SND1: variants seen among roughly 807,000 people sequenced by gnomAD.
SND1 encodes the protein staphylococcal nuclease domain-containing protein 1.
Under a neutral mutation model 121.7 loss-of-function variants are expected in SND1, and 38 were observed. The observed-to-expected ratio is 0.31, with a 90% CI of 0.24 to 0.41. SND1 has a LOEUF of 0.41. Among genes scored for constraint, SND1 ranks in the 10% least tolerant of loss-of-function variants. The pLI, the probability that SND1 is intolerant of heterozygous loss-of-function variation, is 1.00. For missense variants in SND1, 868 were observed against 1,184.6 expected (o/e 0.73, Z 3.92); for synonymous variants, 401 against 447.4 (o/e 0.90, Z 1.31).
At chr7:127,858,871 T>C (rs931827163) in intron 12 of SND1, among the ~76,000 whole-genome samples, 1 of 152,232 alleles carries the variant, frequency 6.6e-6, no homozygotes, top group African/African-American at 2.4e-5. Flanking sequence ...TGGCGTGGTA[T>C]TTCTCTGAGT....
intron 10 of SND1, among the ~76,000 whole-genome samples, chr7:127,729,120 G>C (rs1258615525): frequency 6.6e-6 from 1 of 151,898 alleles, no homozygotes; most frequent in Non-Finnish European, 1.5e-5. Context: ...CCACCAGAGG[G>C]GTTAATTTCA....
At position 128,030,051 on chromosome 7, in the gene SND1, T is replaced by C. The variant is rs1279042073; in HGVS notation, c.1779+38995T>C. ...CATGCCCAAGTTCAGATACTTGAGG[T>C]TGAACAGCCCCTCAAAAGCTCCCTC... On this transcript the variant is annotated intron_variant, in intron 16 of 23. Transcript: ENST00000354725. 2 of 1,613,194 alleles carry C rather than the reference T, an allele frequency of 1.2e-6. No individual in the cohort carries two copies. The highest frequency in any genetic ancestry group is 2.7e-5 in the African/African-American group (2 of 74,912).
intron 11 of SND1, among the ~76,000 whole-genome samples, chr7:127,815,845 G>T (rs887769767): frequency 6.6e-6 from 1 of 152,136 alleles, no homozygotes; most frequent in Non-Finnish European, 1.5e-5. Flanking sequence ...CTTGTTTCTG[G>T]GTTTCTACTT....
intron 10 of SND1, among the ~76,000 whole-genome samples, chr7:127,805,193 C>G (rs925470653): frequency 2.8e-4 from 43 of 152,170 alleles, no homozygotes; most frequent in African/African-American, 1.0e-3. Context: ...CAGGCAATTT[C>G]TATGCATCCC....
intron 14 of SND1, among the ~76,000 whole-genome samples, chr7:127,911,939 G>T (rs575616313): frequency 3.3e-5 from 5 of 152,052 alleles, no homozygotes; most frequent in Non-Finnish European, 7.4e-5. Context: ...TAGCTTTATT[G>T]TGTTGGAGTT....
intron 1 of SND1, among the ~76,000 whole-genome samples, chr7:127,658,330 G>C (rs2116226625): frequency 6.6e-6 from 1 of 152,156 alleles, no homozygotes; most frequent in Non-Finnish European, 1.5e-5. Flanking sequence ...AAAAAAGAAT[G>C]AGAGACTGAT....
chr7:127,981,379 A>C (rs573043578), intron 15 of SND1, among the ~76,000 whole-genome samples: 1 of 152,312 alleles, frequency 6.6e-6, no homozygotes, highest in South Asian at 2.1e-4. Flanking sequence ...AGCAATCCCC[A>C]AAAATGAACA....
At chr7:128,042,820 C>G (rs116865931) in intron 16 of SND1, among the ~76,000 whole-genome samples, 2,192 of 152,346 alleles carry the variant, frequency 0.014, 35 homozygotes, top group Non-Finnish European at 0.019. Flanking sequence ...CCAACCCTGT[C>G]TTGTTTTTAA....
At chr7:128,049,341 C>G (rs1287977291) in intron 16 of SND1, among the ~76,000 whole-genome samples, 1 of 152,078 alleles carries the variant, frequency 6.6e-6, no homozygotes, top group Admixed American at 6.6e-5. Flanking sequence ...TTGTTATCTC[C>G]CAGCCCCTCT....
rs1796435021 is a variant in SND1 at position 127,718,703 on chromosome 7, A to G, written c.1039-2584A>G. The G allele has an allele frequency of 5.1e-6, 5 of 985,312 alleles. No individual in the cohort carries two copies. The South Asian group carries it at 2.3e-4, about 46-fold the overall frequency. The allele number at this position is 985,312 out of a possible 1,614,324, so 61.0% of individuals were successfully genotyped here. ...CATATTACAAGGGGTGCCTAATTCCAGTAACTTGTTACAGGACATCCTTAG... is the reference window on the plus strand; with the variant it reads ...CATATTACAAGGGGTGCCTAATTCCGGTAACTTGTTACAGGACATCCTTAG... On this transcript the variant is annotated intron_variant, in intron 9 of 23. Coordinates refer to ENST00000354725, the MANE Select transcript of SND1 (RefSeq NM_014390.4).
At chr7:127,859,952 G>A (rs1263022754) in intron 12 of SND1, among the ~76,000 whole-genome samples, 1 of 152,110 alleles carries the variant, frequency 6.6e-6, no homozygotes, top group Non-Finnish European at 1.5e-5. Context: ...CATTACAGAT[G>A]TTTATGTTCT....
intron 1 of SND1, among the ~76,000 whole-genome samples, chr7:127,660,180 A>T (rs533042192): frequency 6.6e-6 from 1 of 152,186 alleles, no homozygotes; most frequent in African/African-American, 2.4e-5. Flanking sequence ...GTAGTGTATC[A>T]TGATAAACTA....
intron 1 of SND1, among the ~76,000 whole-genome samples, chr7:127,663,611 C>T (rs771371676): frequency 2.0e-5 from 3 of 152,100 alleles, no homozygotes; most frequent in Non-Finnish European, 2.9e-5. Context: ...CTCCTTACCT[C>T]GTGATCCGCC....
intron 16 of SND1, among the ~76,000 whole-genome samples, chr7:128,012,802 C>T (rs1432478558): frequency 6.6e-6 from 1 of 152,136 alleles, no homozygotes; most frequent in Non-Finnish European, 1.5e-5. Context: ...GCTGCTAGTT[C>T]TTCTTTCTTG....
chr7:127,888,079 G>T (rs1279989002), intron 13 of SND1, 67 bp downstream of exon 13: 11 of 988,024 alleles, frequency 1.1e-5, no homozygotes, highest in Non-Finnish European at 1.3e-5. Context: ...CCAGTTTTGT[G>T]CCTATACCTG....
intron 16 of SND1, chr7:127,999,040 T>C (rs1484925364): frequency 6.6e-6 from 1 of 152,272 alleles, no homozygotes; most frequent in African/African-American, 2.4e-5. Flanking sequence ...GTGCCTAATT[T>C]TTCATTGGCT....
chr7:127,881,775 G>A (rs1367813537), intron 12 of SND1, among the ~76,000 whole-genome samples: 4 of 152,064 alleles, frequency 2.6e-5, no homozygotes. Flanking sequence ...GTCTCACTCT[G>A]TCACCGAGTC....
chr7:128,020,781 G>A (rs1351516319), intron 16 of SND1, among the ~76,000 whole-genome samples: 1 of 152,198 alleles, frequency 6.6e-6, no homozygotes, highest in Admixed American at 6.5e-5. Context: ...GGATGAAACA[G>A]CAAGCGCACA....
intron 16 of SND1, among the ~76,000 whole-genome samples, chr7:128,024,210 G>A (rs1803423731): frequency 6.6e-6 from 1 of 152,106 alleles, no homozygotes; most frequent in Non-Finnish European, 1.5e-5. Flanking sequence ...TTGCATAGGA[G>A]AGGGGTGCTT....
Sources: gnomAD v4.1 joint callset for allele counts (sites outside exome capture counted in the v4.1 genomes callset) on GRCh38, gnomAD v4.1.1 for gene constraint, MANE v1.5 for transcripts, NCBI Gene and HGNC (gene_info 2026-07-23, HGNC 2026-07-21) for gene names.